ITGA9: variants seen among roughly 807,000 people sequenced by gnomAD.
ITGA9 encodes the protein integrin alpha-9.
In ITGA9, 56 loss-of-function variants were observed where a neutral mutation model predicts 127.8. The observed-to-expected ratio is 0.44, with a 90% CI of 0.35 to 0.55. ITGA9 has a LOEUF of 0.55. ITGA9 is among the 20% of genes least tolerant of loss of function. ITGA9 has a pLI of 0.00. For synonymous variants in ITGA9, 508 were observed against 514.5 expected, an observed-to-expected ratio of 0.99 and a Z score of 0.17; for missense variants, 1,196 against 1,347.1, an observed-to-expected ratio of 0.89 and a Z score of 1.76.
intron 17 of ITGA9, among the ~76,000 whole-genome samples, chr3:37,663,560 T>A (rs1369082147): frequency 1.3e-5 from 2 of 152,186 alleles, no homozygotes; most frequent in African/African-American, 4.8e-5. Context: ...TGAAAACCAG[T>A]CTTCCAGAGG....
chr3:37,808,086 C>T (rs1421260096), intron 27 of ITGA9: 2 of 152,278 alleles, frequency 1.3e-5, no homozygotes, highest in Non-Finnish European at 2.9e-5. Context: ...CTTCTCTCTA[C>T]TTGGCTACAC....
At chr3:37,818,191 T>TAAAAAAAAAAAAAAAAAAAAAAA (rs748381488) in intron 27 of ITGA9, 2 of 31,970 alleles carry the variant, frequency 6.3e-5, no homozygotes, top group East Asian at 1.8e-3. Context: ...TAAGACTCTC[T>TAAAAAAAAAAAAAAAAAAAAAAA]AAAAAAAAAA....
chr3:37,474,902 A>T (rs1372861035), intron 3 of ITGA9, among the ~76,000 whole-genome samples: 1 of 152,334 alleles, frequency 6.6e-6, no homozygotes, highest in South Asian at 2.1e-4. Context: ...TCTTCATGGC[A>T]TAAGCTGTTA....
intron 15 of ITGA9, among the ~76,000 whole-genome samples, chr3:37,559,326 A>G (rs1211025403): frequency 6.6e-6 from 1 of 152,130 alleles, no homozygotes; most frequent in Non-Finnish European, 1.5e-5. Flanking sequence ...GAGGTCATTT[A>G]ATAAGGGATT....
chr3:37,629,626 G>T lies in ITGA9; in HGVS notation c.1839+290G>T. ...GGCTGGCCACTTGGTCCCTGAACTT[G>T]CCTCTGTTCCTAGACTGTTTTCAGA... On this transcript the variant is annotated intron_variant, in intron 16 of 27. Coordinates refer to ENST00000264741, the MANE Select transcript of ITGA9 (RefSeq NM_002207.3). This position sits in a 1 kb window ranked among gnomAD's most constrained non-coding sequence, Gnocchi z 4.5. The T allele has an allele frequency of 1.7e-6, 1 of 603,052 alleles. No homozygotes were observed. The highest frequency in any genetic ancestry group is 2.8e-5 in the East Asian group (1 of 36,278). The allele number at this position is 603,052 out of a possible 1,614,324, so 37.4% of individuals were successfully genotyped here.
chr3:37,751,950 C>T (rs543928753), intron 23 of ITGA9, among the ~76,000 whole-genome samples: 1 of 152,354 alleles, frequency 6.6e-6, no homozygotes, highest in South Asian at 2.1e-4. Context: ...AGTAAATTCA[C>T]TGGCACATCT....
At chr3:37,684,166 C>T (rs1005798322) in intron 18 of ITGA9, 151 bp downstream of exon 18, 5 of 795,374 alleles carry the variant, frequency 6.3e-6, no homozygotes, top group Non-Finnish European at 1.1e-5. Flanking sequence ...TCTTCCTGGG[C>T]TTAGAAAACA....
intron 26 of ITGA9, among the ~76,000 whole-genome samples, chr3:37,795,946 G>A (rs1697167417): frequency 6.6e-6 from 1 of 152,096 alleles, no homozygotes; most frequent in Non-Finnish European, 1.5e-5. Flanking sequence ...TCACATCACT[G>A]CCCTGCTCAA....
chr3:37,555,734 G>GAACATA (rs1699424828), intron 15 of ITGA9, among the ~76,000 whole-genome samples: 1 of 152,186 alleles, frequency 6.6e-6, no homozygotes, highest in Non-Finnish European at 1.5e-5. Flanking sequence ...GTGTACCATG[G>GAACATA]AACATAATCT....
rs564765184 is a variant in ITGA9, at chr3:37,657,369, C to T, written c.1916+3579C>T. Among the ~76,000 whole-genome samples the T allele has an allele frequency of 2.6e-5, 4 of 152,236 alleles. No individual in the cohort carries two copies. In the East Asian group the frequency reaches 7.7e-4, roughly 29 times the overall value. On this transcript the variant is annotated intron_variant, in intron 17 of 27. Coordinates refer to ENST00000264741, the MANE Select transcript of ITGA9 (RefSeq NM_002207.3). ...ATTAATTACTACCTCAATTTTAGAA[C>T]TCGTTTTTGGTCTACTCAGGGATTC...
At chr3:37,571,440 G>A (rs886447003) in intron 15 of ITGA9, among the ~76,000 whole-genome samples, 2 of 152,232 alleles carry the variant, frequency 1.3e-5, no homozygotes, top group Admixed American at 1.3e-4. Context: ...CTGGACATTA[G>A]CTGGAAGTGG....
At chr3:37,616,850 A>G (rs896456928) in intron 15 of ITGA9, among the ~76,000 whole-genome samples, 9 of 152,224 alleles carry the variant, frequency 5.9e-5, no homozygotes, top group South Asian at 2.1e-4. Context: ...TTTTGAGCCT[A>G]TGTGTGTCTC....
intron 18 of ITGA9, among the ~76,000 whole-genome samples, chr3:37,706,778 C>A (rs1575201818): frequency 6.6e-6 from 1 of 152,136 alleles, no homozygotes; most frequent in Non-Finnish European, 1.5e-5. Context: ...CATTTCTGAC[C>A]CTGATCTCGG....
At chr3:37,657,645 G>A (rs549149927) in intron 17 of ITGA9, among the ~76,000 whole-genome samples, 1 of 148,950 alleles carries the variant, frequency 6.7e-6, no homozygotes, top group Admixed American at 6.7e-5. Flanking sequence ...ACCAGCTCCT[G>A]GATTTGTTTA....
intron 23 of ITGA9, among the ~76,000 whole-genome samples, chr3:37,760,252 G>A (rs1696707989): frequency 6.6e-6 from 1 of 150,558 alleles, no homozygotes; most frequent in Non-Finnish European, 1.5e-5. Flanking sequence ...AAAAGAGTGA[G>A]ACTCTGTCTC....
intron 25 of ITGA9, among the ~76,000 whole-genome samples, chr3:37,782,695 T>G (rs1405257634): frequency 2.0e-5 from 3 of 152,216 alleles, no homozygotes. Flanking sequence ...CCGAAGGATG[T>G]GGAGCAGCGC....
chr3:37,561,173 T>C (rs1463947291), intron 15 of ITGA9, among the ~76,000 whole-genome samples: 17 of 152,200 alleles, frequency 1.1e-4, no homozygotes. Context: ...GTTCAGCGCA[T>C]AAAAATGTAT....
At chr3:37,730,021 A>G (rs2125527294) in intron 18 of ITGA9, among the ~76,000 whole-genome samples, 1 of 152,306 alleles carries the variant, frequency 6.6e-6, no homozygotes, top group South Asian at 2.1e-4. Context: ...TTACTTCAAG[A>G]ACAGACCTTT....
At chr3:37,537,997 G>A (rs267543) in intron 14 of ITGA9, among the ~76,000 whole-genome samples, 86,922 of 152,106 alleles carry the variant, frequency 0.57, 25,339 homozygotes, top group East Asian at 0.81. Context: ...CCCCTCACCC[G>A]TGGACGGTGC....
Sources: allele counts gnomAD v4.1 joint callset (sites outside exome capture counted in the v4.1 genomes callset), GRCh38; gene constraint gnomAD v4.1.1; non-coding constraint Gnocchi (gnomAD v3.1); transcripts MANE v1.5; gene names NCBI Gene and HGNC (gene_info 2026-07-23, HGNC 2026-07-21).